Variants in ROBO2 observed in about 807,000 individuals in gnomAD.
The protein encoded by ROBO2 is roundabout homolog 2.
In ROBO2, 53 loss-of-function variants were observed where a neutral mutation model predicts 160.8. The observed-to-expected ratio is 0.33, with a 90% CI of 0.26 to 0.41. The LOEUF is 0.41. Among genes scored for constraint, ROBO2 ranks in the 10% least tolerant of loss-of-function variants. The probability of loss-of-function intolerance (pLI) is 1.00; values close to 1 mark genes in which losing one functional copy is unlikely to be tolerated. For synonymous variants in ROBO2, 664 were observed against 611.7 expected, an observed-to-expected ratio of 1.09 and a Z score of -1.26; for missense variants, 1,577 against 1,722.4, an observed-to-expected ratio of 0.92 and a Z score of 1.49.
intron 2 of ROBO2, among the ~76,000 whole-genome samples, chr3:76,099,659 CA>C (rs944119834): frequency 3.3e-5 from 5 of 151,866 alleles, no homozygotes; most frequent in African/African-American, 1.2e-4. Flanking sequence ...ATACTTGTGC[CA>C]AAAAAGTACA....
At chr3:76,521,041 GCTT>G (rs2081585799) in intron 2 of ROBO2, among the ~76,000 whole-genome samples, 1 of 135,474 alleles carries the variant, frequency 7.4e-6, no homozygotes, top group Non-Finnish European at 1.5e-5. Flanking sequence ...AACAAAAATT[GCTT>G]CTTTTTTTTT....
intron 2 of ROBO2, among the ~76,000 whole-genome samples, chr3:77,292,675 G>A (rs1023650521): frequency 2.7e-5 from 4 of 150,076 alleles, no homozygotes; most frequent in Non-Finnish European, 4.5e-5. Context: ...TAAAATTGAC[G>A]GTTAAACGGG....
At chr3:77,464,683 GA>G (rs1229854007) in intron 2 of ROBO2, among the ~76,000 whole-genome samples, 2 of 57,632 alleles carry the variant, frequency 3.5e-5, no homozygotes. Flanking sequence ...TAATGTTGAA[GA>G]TTTTTTTTTA....
In ROBO2 at chr3:76,150,394, A is replaced by ACACATCTGTCTAAAG. The variant is rs1491233684; in HGVS notation, c.109+212796_109+212797insTCTGTCTAAAGCACA. Among the ~76,000 whole-genome samples, 30 of 148,316 alleles carry ACACATCTGTCTAAAG rather than the reference A, an allele frequency of 2.0e-4. No homozygotes were observed. In the South Asian group the frequency reaches 2.4e-3, roughly 12 times the overall value. ...TCTGTCTAAAGCACACCTTTTTAAA[A>ACACATCTGTCTAAAG]CACACATCTGTCTAAAGCACACATC... On this transcript the variant is annotated intron_variant, in intron 2 of 26. Coordinates refer to the ROBO2 transcript ENST00000487694.
intron 2 of ROBO2, among the ~76,000 whole-genome samples, chr3:77,164,390 G>A (rs1014289616): frequency 1.0e-5 from 1 of 99,008 alleles, no homozygotes; most frequent in African/African-American, 2.8e-5. Flanking sequence ...GAGGGAGGTG[G>A]GGGGTCAGCC....
At chr3:76,360,862 A>G (rs2075473421) in intron 2 of ROBO2, among the ~76,000 whole-genome samples, 2 of 152,066 alleles carry the variant, frequency 1.3e-5, no homozygotes, top group Non-Finnish European at 2.9e-5. Flanking sequence ...CACATTGTGA[A>G]CATGAGGATT....
intron 2 of ROBO2, among the ~76,000 whole-genome samples, chr3:76,493,118 G>T (rs1454159736): frequency 1.3e-5 from 2 of 151,756 alleles, no homozygotes; most frequent in East Asian, 3.9e-4. Flanking sequence ...CGTTGTGGCT[G>T]TCTCAATATT....
intron 2 of ROBO2, among the ~76,000 whole-genome samples, chr3:77,240,502 C>T (rs571235126): frequency 6.6e-6 from 1 of 152,302 alleles, no homozygotes; most frequent in Non-Finnish European, 1.5e-5. Flanking sequence ...GAGCCGGCTC[C>T]AGCCTCGGCC....
chr3:77,254,575 C>T (rs565739158), intron 2 of ROBO2, among the ~76,000 whole-genome samples: 27 of 151,976 alleles, frequency 1.8e-4, no homozygotes, highest in African/African-American at 9.6e-5. Context: ...GAATACCTTT[C>T]GGAACTATTA....
At chr3:77,242,200 A>G (rs2089147134) in intron 2 of ROBO2, among the ~76,000 whole-genome samples, 1 of 152,188 alleles carries the variant, frequency 6.6e-6, no homozygotes. Context: ...GTGTCAGGAA[A>G]AAAATAATAA....
intron 2 of ROBO2, among the ~76,000 whole-genome samples, chr3:76,194,764 C>A (rs144892718): frequency 5.3e-5 from 8 of 152,106 alleles, no homozygotes; most frequent in East Asian, 1.9e-4. Context: ...GGACTACAGG[C>A]GCCCGCCACC....
chr3:77,026,526 T>A (rs1347719091), intron 2 of ROBO2, among the ~76,000 whole-genome samples: 2 of 152,198 alleles, frequency 1.3e-5, no homozygotes, highest in Non-Finnish European at 2.9e-5. Context: ...AGTAACTTTA[T>A]TTCACAGAGT....
intron 2 of ROBO2, among the ~76,000 whole-genome samples, chr3:76,921,585 C>T (rs2076665823): frequency 6.6e-6 from 1 of 152,172 alleles, no homozygotes; most frequent in South Asian, 2.1e-4. Flanking sequence ...GCACTCCAGC[C>T]TGGGTGACAG....
chr3:77,137,469 G>A (rs1208131602), intron 2 of ROBO2, among the ~76,000 whole-genome samples: 5 of 151,740 alleles, frequency 3.3e-5, no homozygotes, highest in African/African-American at 4.8e-5. Context: ...CAGGTCATCC[G>A]CCTGCCTCGG....
At chr3:77,044,126 A>T (rs1359401416) in intron 1 of ROBO2, among the ~76,000 whole-genome samples, 4 of 151,076 alleles carry the variant, frequency 2.6e-5, no homozygotes, top group Non-Finnish European at 4.4e-5. Flanking sequence ...TGTGGACCAT[A>T]AAAAAAAAGG....
chr3:77,532,664 T>C (rs1221102423), intron 6 of ROBO2, among the ~76,000 whole-genome samples: 1 of 151,868 alleles, frequency 6.6e-6, no homozygotes, highest in Non-Finnish European at 1.5e-5. Flanking sequence ...ATATACCGCG[T>C]CTCTAACTTT....
intron 2 of ROBO2, among the ~76,000 whole-genome samples, chr3:76,875,102 T>C (rs114476538): frequency 0.019 from 2,912 of 152,222 alleles, 44 homozygotes; most frequent in African/African-American, 0.037. Context: ...TTAAGGCCCT[T>C]ATAAAAGAGG....
At chr3:76,882,068 T>TG (rs1394668092) in intron 2 of ROBO2, among the ~76,000 whole-genome samples, 11 of 148,896 alleles carry the variant, frequency 7.4e-5, no homozygotes, top group Non-Finnish European at 8.9e-5. Context: ...CCACTGTGTC[T>TG]GTTGGGTCGT....
chr3:77,349,452 A>G (rs2068058755), intron 2 of ROBO2, among the ~76,000 whole-genome samples: 1 of 152,198 alleles, frequency 6.6e-6, no homozygotes, highest in Non-Finnish European at 1.5e-5. Flanking sequence ...GAACCTGGAA[A>G]TAAAGAAATA....
Sources: allele counts gnomAD v4.1 joint callset (sites outside exome capture counted in the v4.1 genomes callset), GRCh38; gene constraint gnomAD v4.1.1; transcripts MANE v1.5; gene names NCBI Gene and HGNC (gene_info 2026-07-23, HGNC 2026-07-21).